Variants in RBMS3 observed in about 807,000 individuals in gnomAD.
RBMS3 encodes the protein RNA-binding motif, single-stranded-interacting protein 3.
In RBMS3, 27 loss-of-function variants were observed where a neutral mutation model predicts 66.8. The observed-to-expected ratio is 0.40, with a 90% CI of 0.30 to 0.56. The LOEUF (loss-of-function observed/expected upper bound fraction) is 0.56, where lower values mean the gene tolerates loss of function less well. Among genes scored for constraint, RBMS3 ranks in the 20% least tolerant of loss-of-function variants. RBMS3 has a pLI of 0.40. For missense variants in RBMS3, 513 were observed against 549.5 expected (o/e 0.93, Z 0.66); for synonymous variants, 188 against 183.0 (o/e 1.03, Z -0.22).
intron 7 of RBMS3, among the ~76,000 whole-genome samples, chr3:29,881,008 A>T (rs1013918860): frequency 4.3e-5 from 6 of 140,596 alleles, no homozygotes; most frequent in Non-Finnish European, 9.3e-5. Flanking sequence ...CCCGCTCTGA[A>T]ATACTCAGTA....
chr3:29,773,218 C>T (rs1472835695), intron 6 of RBMS3, among the ~76,000 whole-genome samples: 4 of 151,922 alleles, frequency 2.6e-5, no homozygotes, highest in Non-Finnish European at 4.4e-5. Context: ...TCCCATGAAA[C>T]GGGGATTGTC....
chr3:29,696,939 G>GGT, intron 4 of RBMS3: 1 of 981,912 alleles, frequency 1.0e-6, no homozygotes, highest in Non-Finnish European at 1.2e-6. Flanking sequence ...GGTCGTTTGG[G>GGT]TTTTTTTTAA....
At chr3:29,995,615 A>G (rs1699176778) in intron 14 of RBMS3, among the ~76,000 whole-genome samples, 1 of 151,562 alleles carries the variant, frequency 6.6e-6, no homozygotes, top group African/African-American at 2.4e-5. Context: ...CCAATATTCA[A>G]CATTCTTAAA....
At chr3:29,947,700 C>G (rs1376572081) in intron 12 of RBMS3, among the ~76,000 whole-genome samples, 2 of 151,410 alleles carry the variant, frequency 1.3e-5, no homozygotes, top group Non-Finnish European at 3.0e-5. Context: ...ATCCTCCTCT[C>G]TTAAGCAAAT....
At chr3:29,449,541 G>A (rs992353444) in intron 2 of RBMS3, among the ~76,000 whole-genome samples, 2 of 152,012 alleles carry the variant, frequency 1.3e-5, no homozygotes, top group Non-Finnish European at 2.9e-5. Context: ...TCAGACTTTG[G>A]GATTTAGAAA....
At chr3:29,636,101 T>C (rs1282117027) in intron 4 of RBMS3, among the ~76,000 whole-genome samples, 1 of 151,674 alleles carries the variant, frequency 6.6e-6, no homozygotes, top group Non-Finnish European at 1.5e-5. Context: ...GAATGTACAC[T>C]GTGTAGATAA....
At chr3:29,413,463 T>C (rs965444467) in intron 1 of RBMS3, among the ~76,000 whole-genome samples, 3 of 152,182 alleles carry the variant, frequency 2.0e-5, no homozygotes, top group African/African-American at 4.8e-5. Context: ...AAATGCAGTA[T>C]AATTTTGTTA....
Position 30,007,059 on chromosome 3 carries a change from C to A in RBMS3, c.*3197C>A, listed in dbSNP as rs888486134. On this transcript the variant is annotated 3_prime_UTR_variant, in exon 15 of 15. Coordinates refer to ENST00000383767, the MANE Select transcript of RBMS3 (RefSeq NM_001003793.3). ...AAAAAGAAAAAAAATAGAAGGAAAA[C>A]AACGGCACATACTCAAATTTGCCCT... The A allele has an allele frequency of 6.6e-6, 1 of 151,738 alleles. No homozygotes were observed. Among genetic ancestry groups the A allele is most frequent in the Non-Finnish European group, 1.5e-5 (1 of 67,844 alleles). The allele number at this position is 151,738 out of a possible 1,614,324, so 9.4% of individuals were successfully genotyped here. A position where few individuals can be genotyped will look rare whatever the true frequency, so the allele number is the denominator to read the frequency against.
At chr3:29,507,278 T>C (rs1383161365) in intron 3 of RBMS3, among the ~76,000 whole-genome samples, 1 of 151,944 alleles carries the variant, frequency 6.6e-6, no homozygotes, top group Non-Finnish European at 1.5e-5. Context: ...GATTATGTAA[T>C]TTTTTTCTAC....
chr3:29,584,955 A>G (rs2047460610), intron 3 of RBMS3, among the ~76,000 whole-genome samples: 1 of 152,150 alleles, frequency 6.6e-6, no homozygotes, highest in African/African-American at 2.4e-5. Flanking sequence ...GTGAACAATC[A>G]AAAATTAAAA....
chr3:29,705,018 A>T (rs1283401735), intron 4 of RBMS3, among the ~76,000 whole-genome samples: 3 of 152,224 alleles, frequency 2.0e-5, no homozygotes, highest in Non-Finnish European at 2.9e-5. Context: ...TCCAAGGGGA[A>T]TGCTTTCTGG....
intron 4 of RBMS3, among the ~76,000 whole-genome samples, chr3:29,648,261 C>CTTTTTTTTTTTTTT (rs1576434694): frequency 1.1e-5 from 1 of 88,146 alleles, no homozygotes; most frequent in African/African-American, 4.9e-5. Context: ...TAGAAAATGT[C>CTTTTTTTTTTTTTT]TATTTTTTTT....
chr3:29,305,214 A>G (rs944221817), intron 1 of RBMS3, among the ~76,000 whole-genome samples: 1 of 151,952 alleles, frequency 6.6e-6, no homozygotes, highest in African/African-American at 2.4e-5. Flanking sequence ...CACCTAGTTT[A>G]AAAGAATTCC....
At chr3:29,780,347 A>G (rs1346466408) in intron 6 of RBMS3, among the ~76,000 whole-genome samples, 1 of 151,304 alleles carries the variant, frequency 6.6e-6, no homozygotes, top group Non-Finnish European at 1.5e-5. Flanking sequence ...AGTGAATCTT[A>G]TGGTTTGACT....
At chr3:29,771,827 G>A (rs916677881) in intron 6 of RBMS3, among the ~76,000 whole-genome samples, 19 of 152,034 alleles carry the variant, frequency 1.2e-4, no homozygotes, top group African/African-American at 4.6e-4. Flanking sequence ...TGAAGGAGGA[G>A]GTGCTACACA....
At chr3:29,496,728 C>G in intron 3 of RBMS3, among the ~76,000 whole-genome samples, 1 of 152,138 alleles carries the variant, frequency 6.6e-6, no homozygotes, top group Non-Finnish European at 1.5e-5. Flanking sequence ...TTAGTGTTAA[C>G]TTTGAGAAGT....
intron 3 of RBMS3, among the ~76,000 whole-genome samples, chr3:29,506,585 G>A (rs1463225913): frequency 1.3e-5 from 2 of 151,840 alleles, no homozygotes; most frequent in African/African-American, 4.8e-5. Flanking sequence ...GGAAAATGCT[G>A]GCCCTATAAA....
At chr3:29,436,586 G>A (rs2041412862) in intron 2 of RBMS3, among the ~76,000 whole-genome samples, 1 of 152,144 alleles carries the variant, frequency 6.6e-6, no homozygotes, top group African/African-American at 2.4e-5. Flanking sequence ...TGAAAAGCAA[G>A]GTCTTTGAAA....
chr3:29,580,682 T>TATAATAATAATAATA lies in RBMS3; in HGVS notation c.308-6418_308-6404dup, dbSNP rs5847581. Reference sequence around the variant, plus strand: ...AGTAGATGCTTAGTAAATTTAATAATATAATAATAATAATAATAATAATAA... The same window carrying TATAATAATAATAATA: ...AGTAGATGCTTAGTAAATTTAATAATATAATAATAATAATAATAATAATAATAATAATAATAATAA... On this transcript the variant is annotated intron_variant, in intron 3 of 14. Coordinates refer to ENST00000383767, the MANE Select transcript of RBMS3 (RefSeq NM_001003793.3). Among the ~76,000 whole-genome samples the TATAATAATAATAATA allele has an allele frequency of 3.7e-4, 54 of 147,660 alleles. 1 individual carries two copies. Among genetic ancestry groups the TATAATAATAATAATA allele is most frequent in the African/African-American group, 1.3e-3 (53 of 40,374 alleles).
Sources: allele counts gnomAD v4.1 joint callset (sites outside exome capture counted in the v4.1 genomes callset), GRCh38; gene constraint gnomAD v4.1.1; transcripts MANE v1.5; gene names NCBI Gene and HGNC (gene_info 2026-07-23, HGNC 2026-07-21).